STIM2: variants seen among roughly 807,000 people sequenced by gnomAD.
The protein encoded by STIM2 is stromal interaction molecule 2.
A neutral mutation model predicts 85.8 loss-of-function variants in STIM2; 31 were observed. That is an observed-to-expected ratio of 0.36 (90% CI 0.27 to 0.49). The LOEUF (loss-of-function observed/expected upper bound fraction) is 0.49. Ranked by LOEUF, STIM2 falls within the 20% of genes least tolerant of loss-of-function variation. The pLI is 0.98. For missense variants in STIM2, 841 were observed against 927.6 expected, an observed-to-expected ratio of 0.91 and a Z score of 1.21; for synonymous variants, 356 against 331.1, an observed-to-expected ratio of 1.08 and a Z score of -0.82.
At position 26,994,142 on chromosome 4, in the gene STIM2, C is replaced by T. The variant is rs1422623011; in HGVS notation, c.398-1237C>T. ...GTGACTTCCCACCAATACCTCTGTTCCTAACCTCACTTTTTCCTAAGCTCC... is the reference window on the plus strand; with the variant it reads ...GTGACTTCCCACCAATACCTCTGTTTCTAACCTCACTTTTTCCTAAGCTCC... On this transcript the variant is annotated intron_variant, in intron 3 of 11. Transcript: ENST00000467087. Among the ~76,000 whole-genome samples, 3 of 152,170 alleles carry T rather than the reference C, an allele frequency of 2.0e-5. No homozygotes were observed. In the East Asian group the frequency reaches 5.8e-4, roughly 29 times the overall value.
At chr4:26,917,098 C>T (rs1724610671) in intron 1 of STIM2, among the ~76,000 whole-genome samples, 1 of 152,098 alleles carries the variant, frequency 6.6e-6, no homozygotes, top group Non-Finnish European at 1.5e-5. Flanking sequence ...ATGGTCCCTG[C>T]CCTGTTCATA....
At position 27,022,999 on chromosome 4, in the gene STIM2, T is replaced by G; in HGVS notation, c.*3T>G. On this transcript the variant is annotated 3_prime_UTR_variant, in exon 12 of 12. Coordinates refer to ENST00000467087, the MANE Select transcript of STIM2 (RefSeq NM_020860.4). ...TTTTTAAGAAGAAATCTAAGTGAACTGGCTGACTTGATGGAATCATGTTCA... is the reference window on the plus strand; with the variant it reads ...TTTTTAAGAAGAAATCTAAGTGAACGGGCTGACTTGATGGAATCATGTTCA... 6.2e-7 allele frequency: 1 copy of G among 1,603,848 alleles called. No homozygotes were observed. Among genetic ancestry groups the G allele is most frequent in the Non-Finnish European group, 8.5e-7 (1 of 1,175,814 alleles).
intron 1 of STIM2, among the ~76,000 whole-genome samples, chr4:26,916,636 G>C (rs1425701444): frequency 6.6e-6 from 1 of 152,168 alleles, no homozygotes; most frequent in East Asian, 1.9e-4. Flanking sequence ...AGCTTTTAGA[G>C]ATCTGGCCTT....
At chr4:26,930,295 T>G (rs925462893) in intron 2 of STIM2, among the ~76,000 whole-genome samples, 1 of 152,182 alleles carries the variant, frequency 6.6e-6, no homozygotes, top group Non-Finnish European at 1.5e-5. Context: ...TTGTTATTGC[T>G]CATTTTGTGA....
intron 1 of STIM2, among the ~76,000 whole-genome samples, chr4:26,884,097 A>G (rs1274090304): frequency 6.6e-6 from 1 of 152,230 alleles, no homozygotes; most frequent in Non-Finnish European, 1.5e-5. Context: ...GAAGGTGCTC[A>G]CTGTAGAACT....
intron 3 of STIM2, among the ~76,000 whole-genome samples, chr4:26,961,521 A>T (rs566090429): frequency 6.6e-6 from 1 of 152,188 alleles, no homozygotes; most frequent in African/African-American, 2.4e-5. Context: ...CTGGGGATTA[A>T]TGATGAGTTA....
At chr4:26,913,136 T>G (rs1416480902) in intron 1 of STIM2, among the ~76,000 whole-genome samples, 2 of 152,102 alleles carry the variant, frequency 1.3e-5, no homozygotes, top group African/African-American at 4.8e-5. Flanking sequence ...CTTTTTCTAC[T>G]CCCAATTACC....
Position 26,966,381 on chromosome 4 carries a change from A to G in STIM2, c.397+8655A>G, listed in dbSNP as rs542837700. On this transcript the variant is annotated intron_variant, in intron 3 of 11. Transcript: ENST00000467087. The stretch of plus-strand genomic sequence containing the variant: ...TATGTTATTGCAGGAGAGTCACTAT[A>G]TTATATTCTACTTTATGTAGAACAA... Among the ~76,000 whole-genome samples the G allele has an allele frequency of 1.6e-4, 24 of 152,308 alleles. 1 individual carries two copies. In the South Asian group the frequency reaches 4.8e-3, roughly 30 times the overall value.
intron 1 of STIM2, chr4:26,881,433 T>C (rs1356425929): frequency 1.3e-5 from 2 of 149,778 alleles, no homozygotes. Context: ...ACTGCTGCAC[T>C]CTAGCCTGGG....
intron 1 of STIM2, among the ~76,000 whole-genome samples, chr4:26,862,322 T>G (rs894374435): frequency 3.0e-5 from 3 of 98,938 alleles, no homozygotes; most frequent in Non-Finnish European, 4.6e-5. Context: ...ATAATGGTTT[T>G]TTTTTTTTTT....
At chr4:26,993,169 T>C (rs971489603) in intron 3 of STIM2, among the ~76,000 whole-genome samples, 5 of 152,058 alleles carry the variant, frequency 3.3e-5, no homozygotes, top group Non-Finnish European at 5.9e-5. Flanking sequence ...GACAGGGCAA[T>C]TCTCAATGCA....
chr4:26,980,829 A>AT (rs1388062032), intron 3 of STIM2, among the ~76,000 whole-genome samples: 8 of 152,084 alleles, frequency 5.3e-5, no homozygotes, highest in African/African-American at 1.7e-4. Flanking sequence ...TGCTTTATTA[A>AT]TTTTTTTGCT....
chr4:27,017,880 C>A lies in STIM2; in HGVS notation c.1659C>A (p.Ser553=). The change falls in exon 11 of 12, where the codon TCC becomes TCA. Residue 553 remains serine (S), a synonymous_variant. Coordinates refer to ENST00000467087, the MANE Select transcript of STIM2 (RefSeq NM_020860.4). The stretch of plus-strand genomic sequence containing the variant: ...ACCACCCGCAACACACACCACACTC[C>A]TTGCCTTCCCCTGATCCAGATATCC... 6.2e-7 allele frequency: 1 copy of A among 1,614,170 alleles called. No individual in the cohort carries two copies. Among genetic ancestry groups the A allele is most frequent in the Non-Finnish European group, 8.5e-7 (1 of 1,180,018 alleles).
intron 3 of STIM2, among the ~76,000 whole-genome samples, chr4:26,984,193 G>A (rs879562362): frequency 2.0e-5 from 3 of 152,082 alleles, no homozygotes; most frequent in East Asian, 1.9e-4. Context: ...CCATTCACTC[G>A]TCCAATAAAT....
chr4:26,909,541 A>G (rs1308619919), intron 1 of STIM2, among the ~76,000 whole-genome samples: 2 of 152,218 alleles, frequency 1.3e-5, no homozygotes, highest in Non-Finnish European at 2.9e-5. Context: ...AAGTAAAACA[A>G]CGTATTGCAC....
chr4:26,963,555 TAAGG>T (rs1240091790), intron 3 of STIM2, among the ~76,000 whole-genome samples: 3 of 152,158 alleles, frequency 2.0e-5, no homozygotes, highest in Non-Finnish European at 4.4e-5. Flanking sequence ...TAGTAGAAAA[TAAGG>T]AAGTATGAGA....
intron 10 of STIM2, among the ~76,000 whole-genome samples, chr4:27,014,113 G>A (rs898136820): frequency 1.3e-5 from 2 of 151,648 alleles, no homozygotes; most frequent in African/African-American, 4.8e-5. Flanking sequence ...CTTCTTTTGT[G>A]TCCTTTATCA....
Position 26,885,859 on chromosome 4 carries a change from A to ATATATATATG in STIM2, c.151+24499_151+24500insGTATATATAT, listed in dbSNP as rs1553845029. Among the ~76,000 whole-genome samples the ATATATATATG allele has an allele frequency of 6.5e-4, 58 of 89,430 alleles. 2 individuals carry two copies. Among genetic ancestry groups the ATATATATATG allele is most frequent in the South Asian group, 2.4e-3 (6 of 2,546 alleles). The allele number at this position is 89,430 out of a possible 152,430, so 58.7% of individuals were successfully genotyped here. On this transcript the variant is annotated intron_variant, in intron 1 of 11. Coordinates refer to ENST00000467087, the MANE Select transcript of STIM2 (RefSeq NM_020860.4). ...TATATATATATATATATATATATAT[A>ATATATATATG]TATATATATATATATGTATATGTCT...
Position 26,935,166 on chromosome 4 carries a change from T to C in STIM2, c.282+15532T>C, listed in dbSNP as rs542011926. Among the ~76,000 whole-genome samples the C allele has an allele frequency of 2.0e-4, 30 of 152,246 alleles. 1 individual carries two copies. The highest frequency in any genetic ancestry group is 6.5e-4 in the African/African-American group (27 of 41,534). On this transcript the variant is annotated intron_variant, in intron 2 of 11. Coordinates refer to ENST00000467087, the MANE Select transcript of STIM2 (RefSeq NM_020860.4). ...TGATCTGAAGAGACCCAGGAAGTAATGATTTTGGACGCCATTGATTAGGAA... is the reference window on the plus strand; with the variant it reads ...TGATCTGAAGAGACCCAGGAAGTAACGATTTTGGACGCCATTGATTAGGAA...
Sources: allele counts gnomAD v4.1 joint callset (sites outside exome capture counted in the v4.1 genomes callset), GRCh38; gene constraint gnomAD v4.1.1; transcripts MANE v1.5; gene names NCBI Gene and HGNC (gene_info 2026-07-23, HGNC 2026-07-21).